Variants in PACRG observed in about 807,000 individuals in gnomAD.
The protein encoded by PACRG is parkin coregulated, also known as parkin coregulated gene protein.
In PACRG, 29 loss-of-function variants were observed where a neutral mutation model predicts 29.7. That is an observed-to-expected ratio of 0.98 (90% CI 0.73 to 1.33). PACRG has a LOEUF of 1.33. Among genes scored for constraint, PACRG ranks in the 40% most tolerant of loss-of-function variants. PACRG has a pLI of 0.00. For missense variants in PACRG, 279 were observed against 316.2 expected, an observed-to-expected ratio of 0.88 and a Z score of 0.89; for synonymous variants, 116 against 118.7, an observed-to-expected ratio of 0.98 and a Z score of 0.15.
chr6:163,307,114 G>T (rs893341185), intron 4 of PACRG, among the ~76,000 whole-genome samples: 4 of 152,176 alleles, frequency 2.6e-5, no homozygotes, highest in Admixed American at 1.3e-4. Context: ...CTACTTTGCA[G>T]TTGGACAACG....
chr6:162,950,439 C>T (rs1326873814), intron 2 of PACRG, among the ~76,000 whole-genome samples: 3 of 152,068 alleles, frequency 2.0e-5, no homozygotes, highest in East Asian at 1.9e-4. Context: ...ACCCGGGAGG[C>T]GGAGCTTGCA....
intron 2 of PACRG, among the ~76,000 whole-genome samples, chr6:162,980,702 C>T (rs548337010): frequency 6.6e-6 from 1 of 152,262 alleles, no homozygotes; most frequent in Non-Finnish European, 1.5e-5. Context: ...ATGTTCTCGA[C>T]CTTCCATCAC....
chr6:162,920,355 C>T (rs1796981749), intron 2 of PACRG, among the ~76,000 whole-genome samples: 2 of 152,138 alleles, frequency 1.3e-5, no homozygotes, highest in Middle Eastern at 3.2e-3. Flanking sequence ...TGTATTATGG[C>T]ATCTGCACTC....
chr6:162,769,398 T>C (rs1425867921), intron 1 of PACRG, among the ~76,000 whole-genome samples: 1 of 146,036 alleles, frequency 6.8e-6, no homozygotes, highest in Non-Finnish European at 1.5e-5. Context: ...ACATTATTTC[T>C]ATTTTACAAG....
chr6:163,240,275 G>C (rs1782448830), intron 4 of PACRG, among the ~76,000 whole-genome samples: 1 of 150,278 alleles, frequency 6.7e-6, no homozygotes, highest in Admixed American at 6.6e-5. Flanking sequence ...GGGACGATTG[G>C]GGGGTGCATT....
intron 2 of PACRG, among the ~76,000 whole-genome samples, chr6:163,012,594 ACTGGGCAGAGCCCAGCTCCAGTGG>A (rs1448285177): frequency 6.6e-6 from 1 of 152,224 alleles, no homozygotes; most frequent in Non-Finnish European, 1.5e-5. Flanking sequence ...TGTCTGACCG[ACTGGGCAGAGCCCAGCTCCAGTGG>A]CTACATTCAA....
chr6:163,068,532 T>C (rs568438410), intron 3 of PACRG, among the ~76,000 whole-genome samples: 1 of 152,138 alleles, frequency 6.6e-6, no homozygotes, highest in South Asian at 2.1e-4. Flanking sequence ...TAGAGACCTA[T>C]GTCTTTCTGC....
At chr6:163,210,340 A>C (rs1371047355) in intron 4 of PACRG, among the ~76,000 whole-genome samples, 1 of 152,202 alleles carries the variant, frequency 6.6e-6, no homozygotes, top group Non-Finnish European at 1.5e-5. Context: ...TATCTTTCTA[A>C]AATGTGAAAA....
chr6:163,035,938 C>T (rs1475265133), intron 2 of PACRG, among the ~76,000 whole-genome samples: 1 of 152,016 alleles, frequency 6.6e-6, no homozygotes. Context: ...ACGCCTCTGA[C>T]AGTTACACAT....
At chr6:163,170,238 G>C (rs569634657) in intron 4 of PACRG, among the ~76,000 whole-genome samples, 1 of 152,084 alleles carries the variant, frequency 6.6e-6, no homozygotes, top group Non-Finnish European at 1.5e-5. Context: ...GGCTTAGAGC[G>C]GGGAACAAGA....
intron 2 of PACRG, among the ~76,000 whole-genome samples, chr6:163,033,673 A>C (rs988726606): frequency 2.0e-5 from 3 of 152,266 alleles, no homozygotes; most frequent in Admixed American, 6.5e-5. Context: ...ACATAGAAAG[A>C]TAAAAGATAG....
intron 4 of PACRG, among the ~76,000 whole-genome samples, chr6:163,129,364 A>G (rs1300097465): frequency 6.6e-6 from 1 of 152,230 alleles, no homozygotes; most frequent in African/African-American, 2.4e-5. Flanking sequence ...CATCCATGAG[A>G]TGGCATGTAC....
intron 4 of PACRG, among the ~76,000 whole-genome samples, chr6:163,274,629 C>T (rs1013050815): frequency 5.9e-5 from 9 of 152,188 alleles, no homozygotes; most frequent in Non-Finnish European, 8.8e-5. Flanking sequence ...AATGGTTGAA[C>T]TAGTTTACAG....
chr6:163,192,125 A>C (rs1489767923), intron 4 of PACRG: 1 of 161,660 alleles, frequency 6.2e-6, no homozygotes, highest in African/African-American at 2.4e-5. Flanking sequence ...TGAAATAGGG[A>C]AAGTCCCCAG....
intron 2 of PACRG, among the ~76,000 whole-genome samples, chr6:162,920,188 AAGG>A (rs1330365328): frequency 6.6e-6 from 1 of 152,130 alleles, no homozygotes; most frequent in African/African-American, 2.4e-5. Flanking sequence ...GGAGGAAAGA[AAGG>A]AGGAAGTGAG....
Position 163,049,189 on chromosome 6 carries a change from A to G in PACRG, c.292-12961A>G, listed in dbSNP as rs191775114. On this transcript the variant is annotated intron_variant, in intron 2 of 4. Coordinates refer to ENST00000366888, the MANE Select transcript of PACRG (RefSeq NM_001080379.2). ...ACAAATAAGGAAGACAGGCCAGTGA[A>G]ACAGAATAGAAAGTCAAGAAATAGA... Among the ~76,000 whole-genome samples the G allele has an allele frequency of 9.2e-5, 14 of 152,240 alleles. No homozygotes were observed. The East Asian group carries it at 2.3e-3, about 25-fold the overall frequency.
chr6:162,977,113 T>C (rs1423395115), intron 2 of PACRG, among the ~76,000 whole-genome samples: 2 of 152,112 alleles, frequency 1.3e-5, no homozygotes, highest in African/African-American at 2.4e-5. Flanking sequence ...ATTATATAAA[T>C]ATTTAAAATT....
chr6:162,771,726 A>G (rs1018213857), intron 1 of PACRG, among the ~76,000 whole-genome samples: 2 of 152,184 alleles, frequency 1.3e-5, no homozygotes, highest in Non-Finnish European at 2.9e-5. Flanking sequence ...TTTTAAAAAT[A>G]GAGTAATTTT....
intron 2 of PACRG, among the ~76,000 whole-genome samples, chr6:163,022,011 C>T (rs1806673331): frequency 1.3e-5 from 2 of 152,218 alleles, no homozygotes; most frequent in Non-Finnish European, 2.9e-5. Context: ...GCACAGCCGA[C>T]CACGGACCCC....
Sources: allele counts gnomAD v4.1 joint callset (sites outside exome capture counted in the v4.1 genomes callset), GRCh38; gene constraint gnomAD v4.1.1; transcripts MANE v1.5; gene names NCBI Gene and HGNC (gene_info 2026-07-23, HGNC 2026-07-21).